The following TRPM3 variants were observed in gnomAD, a reference collection of about 807,000 sequenced individuals.
The protein encoded by TRPM3 is transient receptor potential cation channel subfamily M member 3.
A neutral mutation model predicts 181.2 loss-of-function variants in TRPM3; 77 were observed. The ratio of observed to expected loss-of-function variants is 0.42; its 90% CI spans 0.35 to 0.51. The LOEUF (loss-of-function observed/expected upper bound fraction) is 0.51, where lower values mean the gene tolerates loss of function less well. TRPM3 is among the 20% of genes least tolerant of loss of function. The pLI, the probability that TRPM3 is intolerant of heterozygous loss-of-function variation, is 0.01. For missense variants in TRPM3, 1,759 were observed against 2,196.7 expected (o/e 0.80, Z 3.98); for synonymous variants, 745 against 796.4 (o/e 0.94, Z 1.09).
intron 1 of TRPM3, among the ~76,000 whole-genome samples, chr9:70,945,330 T>C (rs1311095190): frequency 6.6e-6 from 1 of 152,216 alleles, no homozygotes; most frequent in Non-Finnish European, 1.5e-5. Context: ...GTCTCTTCTT[T>C]TGGGAATGTA....
At chr9:71,420,721 A>AAGAG (rs760245264) in intron 1 of TRPM3, among the ~76,000 whole-genome samples, 1 of 76,658 alleles carries the variant, frequency 1.3e-5, no homozygotes, top group African/African-American at 6.2e-5. Context: ...GAAAGAGAGA[A>AAGAG]AGAGAGAGAG....
intron 1 of TRPM3, among the ~76,000 whole-genome samples, chr9:70,878,848 G>A (rs1310625225): frequency 6.6e-6 from 1 of 152,008 alleles, no homozygotes; most frequent in Non-Finnish European, 1.5e-5. Context: ...AGATCTACTG[G>A]ATCTGCACCT....
intron 3 of TRPM3, among the ~76,000 whole-genome samples, chr9:70,847,107 T>G (rs1338758223): frequency 6.6e-6 from 1 of 152,168 alleles, no homozygotes; most frequent in Non-Finnish European, 1.5e-5. Context: ...GCATACCAAA[T>G]GTAATGTTTC....
At chr9:71,158,086 G>C (rs1042972151) in intron 1 of TRPM3, among the ~76,000 whole-genome samples, 1 of 152,078 alleles carries the variant, frequency 6.6e-6, no homozygotes, top group East Asian at 1.9e-4. Context: ...CAATCTTAAA[G>C]TTGTGACATA....
rs1231757617 is a variant in TRPM3, at chr9:70,959,031, A to G, written c.178-94520T>C. 3.3e-5 allele frequency among the ~76,000 whole-genome samples: 5 copies of G among 151,316 alleles called. No individual in the cohort carries two copies. The East Asian group carries it at 9.8e-4, about 30-fold the overall frequency. ...GGGTCGGAGGAGGGGGAGGGATAGC[A>G]TTAGGAGATATACCTAATGCTAAAC... On this transcript the variant is annotated intron_variant, in intron 1 of 25. Transcript: ENST00000677713.
intron 1 of TRPM3, among the ~76,000 whole-genome samples, chr9:71,265,912 A>G (rs1313109454): frequency 6.6e-6 from 1 of 152,228 alleles, no homozygotes; most frequent in Non-Finnish European, 1.5e-5. Context: ...TATCACTGTC[A>G]TTATCAATGA....
intron 7 of TRPM3, among the ~76,000 whole-genome samples, chr9:70,781,291 C>T (rs1173759094): frequency 1.4e-5 from 2 of 142,362 alleles, no homozygotes; most frequent in African/African-American, 5.3e-5. Context: ...CATCACTGCA[C>T]TCCAGCCTGG....
At chr9:70,589,831 C>T (rs1427015887) in intron 22 of TRPM3, among the ~76,000 whole-genome samples, 4 of 152,188 alleles carry the variant, frequency 2.6e-5, no homozygotes, top group Non-Finnish European at 5.9e-5. Context: ...AAATGACGTA[C>T]CGGTGTGTTC....
At chr9:71,399,524 T>C (rs921110693) in intron 1 of TRPM3, among the ~76,000 whole-genome samples, 4 of 101,440 alleles carry the variant, frequency 3.9e-5, no homozygotes, top group African/African-American at 1.4e-4. Context: ...ATATTTTCTT[T>C]TGTTTTTTTT....
intron 1 of TRPM3, among the ~76,000 whole-genome samples, chr9:71,399,944 C>A (rs1038332984): frequency 6.6e-6 from 1 of 152,182 alleles, no homozygotes; most frequent in Non-Finnish European, 1.5e-5. Flanking sequence ...GTCAAAAGAT[C>A]AGGTTCTCTG....
intron 1 of TRPM3, among the ~76,000 whole-genome samples, chr9:70,938,061 G>A (rs982344559): frequency 2.0e-5 from 3 of 152,116 alleles, no homozygotes; most frequent in East Asian, 1.9e-4. Context: ...TCAGGACTTC[G>A]AAATCTGTTA....
intron 1 of TRPM3, among the ~76,000 whole-genome samples, chr9:71,252,661 A>G (rs2132027904): frequency 6.6e-6 from 1 of 152,116 alleles, no homozygotes; most frequent in African/African-American, 2.4e-5. Flanking sequence ...ACTTTCAAAA[A>G]TAATAGAAAG....
At chr9:71,281,433 T>C (rs1184562895) in intron 1 of TRPM3, among the ~76,000 whole-genome samples, 1 of 152,222 alleles carries the variant, frequency 6.6e-6, no homozygotes, top group East Asian at 1.9e-4. Flanking sequence ...ACATATTTTG[T>C]TTGCTTTCTG....
At chr9:71,302,676 C>G (rs1031847768) in intron 1 of TRPM3, among the ~76,000 whole-genome samples, 6 of 151,848 alleles carry the variant, frequency 4.0e-5, no homozygotes, top group Non-Finnish European at 5.9e-5. Context: ...TTTGTAAGAG[C>G]TAGTCTTTGT....
At chr9:70,764,975 T>A (rs1297563067) in intron 7 of TRPM3, among the ~76,000 whole-genome samples, 1 of 152,156 alleles carries the variant, frequency 6.6e-6, no homozygotes, top group Non-Finnish European at 1.5e-5. Flanking sequence ...CCACAAAACA[T>A]TTGATGTGTC....
chr9:71,271,586 G>C (rs2083794023), intron 1 of TRPM3, among the ~76,000 whole-genome samples: 1 of 151,744 alleles, frequency 6.6e-6, no homozygotes, highest in Non-Finnish European at 1.5e-5. Flanking sequence ...CAGAAGAGGG[G>C]AGTAAGGGGC....
At chr9:70,949,161 A>G (rs544127923) in intron 1 of TRPM3, among the ~76,000 whole-genome samples, 2 of 152,284 alleles carry the variant, frequency 1.3e-5, no homozygotes, top group South Asian at 4.1e-4. Flanking sequence ...GCAGTAATCA[A>G]TAGGCAGAAA....
chr9:71,162,607 T>A (rs2076336274), intron 1 of TRPM3, among the ~76,000 whole-genome samples: 1 of 152,312 alleles, frequency 6.6e-6, no homozygotes. Context: ...ACAAGTGGAA[T>A]TGTTCAGAGA....
Position 70,831,970 on chromosome 9 carries a change from T to C in TRPM3, c.802-3952A>G, listed in dbSNP as rs1242878897. On this transcript the variant is annotated intron_variant, in intron 5 of 25. Transcript: ENST00000677713. ...ATTTTATGTACCCCATAAATATATA[T>C]ATATATATATATATATATATATATA... is the stretch of plus-strand genomic sequence containing the variant. Among the ~76,000 whole-genome samples the C allele has an allele frequency of 9.4e-3, 615 of 65,402 alleles. 29 individuals carry two copies. Among genetic ancestry groups the C allele is most frequent in the African/African-American group, 0.053 (589 of 11,210 alleles). 42.9% of individuals were successfully genotyped at this position (65,402 alleles called of 152,430 possible). A position where few individuals can be genotyped will look rare whatever the true frequency, so the allele number is the denominator to read the frequency against.
Sources: gnomAD v4.1 joint callset for allele counts (sites outside exome capture counted in the v4.1 genomes callset) on GRCh38, gnomAD v4.1.1 for gene constraint, MANE v1.5 for transcripts, NCBI Gene and HGNC (gene_info 2026-07-23, HGNC 2026-07-21) for gene names.